IQUB: variants seen among roughly 807,000 people sequenced by gnomAD.
The protein encoded by IQUB is IQ motif and ubiquitin-like domain-containing protein.
In IQUB, 86 loss-of-function variants were observed where a neutral mutation model predicts 86.4. That is an observed-to-expected ratio of 1.00 (90% CI 0.84 to 1.19). The LOEUF (loss-of-function observed/expected upper bound fraction) is 1.19. Ranked by LOEUF, IQUB falls within the 50% of genes most tolerant of loss-of-function variation. The pLI is 0.00. For missense variants in IQUB, 946 were observed against 916.9 expected, an observed-to-expected ratio of 1.03 and a Z score of -0.41; for synonymous variants, 289 against 304.5, an observed-to-expected ratio of 0.95 and a Z score of 0.53.
intron 7 of IQUB, among the ~76,000 whole-genome samples, chr7:123,489,790 C>A (rs943492610): frequency 2.6e-5 from 4 of 150,956 alleles, no homozygotes; most frequent in Non-Finnish European, 5.9e-5. Flanking sequence ...CTAGGATTTT[C>A]AAGATGAAAA....
At chr7:123,461,635 G>C in intron 10 of IQUB, 30 bp from the exon 11 acceptor site, 1 of 1,508,926 alleles carries the variant, frequency 6.6e-7, no homozygotes. Context: ...AGAAAAAAAA[G>C]GTCTAAAAAG....
chr7:123,459,083 G>A (rs971942791), intron 11 of IQUB, among the ~76,000 whole-genome samples: 10 of 151,818 alleles, frequency 6.6e-5, no homozygotes, highest in African/African-American at 1.2e-4. Flanking sequence ...AATTACAAGG[G>A]GGGGGAAGCT....
intron 7 of IQUB, among the ~76,000 whole-genome samples, chr7:123,490,958 C>T (rs1159037860): frequency 6.8e-6 from 1 of 146,946 alleles, no homozygotes; most frequent in Non-Finnish European, 1.5e-5. Flanking sequence ...GAGCAAAACA[C>T]CATCTTGGAA....
chr7:123,525,010 T>C (rs1797123114), intron 1 of IQUB, among the ~76,000 whole-genome samples: 1 of 152,220 alleles, frequency 6.6e-6, no homozygotes, highest in Non-Finnish European at 1.5e-5. Context: ...CATTTATTGA[T>C]TTGCGTATAT....
At chr7:123,467,611 AC>A (rs948961512) in intron 9 of IQUB, among the ~76,000 whole-genome samples, 30 of 152,278 alleles carry the variant, frequency 2.0e-4, no homozygotes, top group African/African-American at 7.0e-4. Context: ...CTACTGGGCC[AC>A]CCAGCATTTA....
At chr7:123,520,630 G>C (rs574199365) in intron 1 of IQUB, among the ~76,000 whole-genome samples, 1 of 152,296 alleles carries the variant, frequency 6.6e-6, no homozygotes, top group South Asian at 2.1e-4. Context: ...AGAGCAGTGA[G>C]TTAAGAAAAG....
chr7:123,512,074 T>G lies in IQUB; in HGVS notation c.267A>C (p.Ser89=). ...MEEVISPRQV[S]YTPQHHEKQY... ...GCTTTTCATGATGTTGCGGAGTATATGAAACTTGTCTTGGTGATATAACCT... is the reference window on the plus strand; with the variant it reads ...GCTTTTCATGATGTTGCGGAGTATAGGAAACTTGTCTTGGTGATATAACCT... Residue 89 remains serine, a synonymous_variant, in exon 2 of 13, where the codon TCA becomes TCC. Transcript: ENST00000324698. 6.2e-7 allele frequency: 1 copy of G among 1,614,120 alleles called. No homozygotes were observed. Among genetic ancestry groups the G allele is most frequent in the Non-Finnish European group, 8.5e-7 (1 of 1,179,972 alleles).
At chr7:123,520,063 C>T (rs903215617) in intron 1 of IQUB, among the ~76,000 whole-genome samples, 2 of 145,342 alleles carry the variant, frequency 1.4e-5, no homozygotes, top group Non-Finnish European at 3.0e-5. Flanking sequence ...CTACACACAG[C>T]CATGGACAAG....
chr7:123,519,308 T>C (rs1043186944), intron 1 of IQUB, among the ~76,000 whole-genome samples: 1 of 152,124 alleles, frequency 6.6e-6, no homozygotes, highest in Non-Finnish European at 1.5e-5. Flanking sequence ...CACTGCTGGG[T>C]ATATAACCAA....
chr7:123,506,286 A>G (rs1191466489), intron 3 of IQUB, among the ~76,000 whole-genome samples: 1 of 152,008 alleles, frequency 6.6e-6, no homozygotes, highest in African/African-American at 2.4e-5. Context: ...GCCTCCAAAC[A>G]CCTGCCCATT....
intron 6 of IQUB, among the ~76,000 whole-genome samples, chr7:123,497,181 C>T (rs1198573543): frequency 6.6e-6 from 1 of 152,144 alleles, no homozygotes; most frequent in African/African-American, 2.4e-5. Context: ...TAGTTTGAAT[C>T]TTCCTTCTGC....
In IQUB at chr7:123,452,614, A is replaced by G; in HGVS notation, c.*129T>C. ...AAATGTTTTCTCTTTATATAACTCA[A>G]AATACTATGAAAAACAAAAAACAAA... On this transcript the variant is annotated 3_prime_UTR_variant, in exon 13 of 13. Coordinates refer to ENST00000324698, the MANE Select transcript of IQUB (RefSeq NM_178827.5). 1 of 519,726 alleles carries G rather than the reference A, an allele frequency of 1.9e-6. No homozygotes were observed. The highest frequency in any genetic ancestry group is 3.2e-6 in the Non-Finnish European group (1 of 315,930). The allele number at this position is 519,726 out of a possible 1,614,324, so 32.2% of individuals were successfully genotyped here.
intron 7 of IQUB, among the ~76,000 whole-genome samples, chr7:123,487,327 A>G (rs982411797): frequency 2.0e-5 from 3 of 152,194 alleles, no homozygotes; most frequent in African/African-American, 7.2e-5. Flanking sequence ...TGGTTAAAAC[A>G]ATGAGGAAAA....
At chr7:123,460,347 T>G (rs897293498) in intron 11 of IQUB, among the ~76,000 whole-genome samples, 2 of 152,004 alleles carry the variant, frequency 1.3e-5, no homozygotes, top group Non-Finnish European at 2.9e-5. Context: ...AGATTGAGAT[T>G]TAAAAGTTTG....
intron 8 of IQUB, among the ~76,000 whole-genome samples, chr7:123,474,084 T>C (rs1794653795): frequency 6.6e-6 from 1 of 152,126 alleles, no homozygotes; most frequent in Admixed American, 6.5e-5. Context: ...AGACATTCTA[T>C]GTTCAGGAAA....
intron 3 of IQUB, among the ~76,000 whole-genome samples, chr7:123,504,827 T>G (rs188521266): frequency 6.6e-6 from 1 of 152,278 alleles, no homozygotes; most frequent in East Asian, 1.9e-4. Context: ...CAAAATACAA[T>G]CATTCCTTCT....
intron 1 of IQUB, among the ~76,000 whole-genome samples, chr7:123,513,633 GA>G (rs932345652): frequency 6.6e-6 from 1 of 152,074 alleles, no homozygotes; most frequent in Non-Finnish European, 1.5e-5. Context: ...AGATAGAGGA[GA>G]AAAAATATTT....
intron 1 of IQUB, among the ~76,000 whole-genome samples, 158 bp downstream of exon 1, chr7:123,534,334 T>C (rs1216115496): frequency 6.6e-6 from 1 of 152,070 alleles, no homozygotes; most frequent in Non-Finnish European, 1.5e-5. Flanking sequence ...GTTTTTAAAG[T>C]AAAGTCGGAA....
chr7:123,455,554 T>G (rs1454577174), intron 12 of IQUB, among the ~76,000 whole-genome samples: 2 of 152,136 alleles, frequency 1.3e-5, no homozygotes, highest in Non-Finnish European at 2.9e-5. Context: ...AAGCTTTAAA[T>G]AATGGCCTAC....
Sources: gnomAD v4.1 joint callset for allele counts (sites outside exome capture counted in the v4.1 genomes callset) on GRCh38, gnomAD v4.1.1 for gene constraint, MANE v1.5 for transcripts, NCBI Gene and HGNC (gene_info 2026-07-23, HGNC 2026-07-21) for gene names.